CLN6: variants seen among roughly 807,000 people sequenced by gnomAD.
CLN6 encodes CLN6 transmembrane ER protein.
CLN6 carries 22 observed loss-of-function variants against 33.3 expected under a neutral mutation model. The ratio of observed to expected loss-of-function variants is 0.66; its 90% CI spans 0.47 to 0.94. The LOEUF (loss-of-function observed/expected upper bound fraction) is 0.94. Ranked by LOEUF, CLN6 falls within the 40% of genes least tolerant of loss-of-function variation. CLN6 has a pLI of 0.00. For synonymous variants in CLN6, 201 were observed against 174.6 expected, an observed-to-expected ratio of 1.15 and a Z score of -1.19; for missense variants, 387 against 417.1, an observed-to-expected ratio of 0.93 and a Z score of 0.63.
chr15:68,243,251 G>T (rs140470893), intron 1 of CLN6, among the ~76,000 whole-genome samples: 1 of 152,146 alleles, frequency 6.6e-6, no homozygotes, highest in Non-Finnish European at 1.5e-5. Flanking sequence ...AGATTTAAAA[G>T]GAATTATTTA....
In CLN6 at chr15:68,210,021, GTGGGGGTAAGGGGTGTC is replaced by G. The variant is rs2093200292; in HGVS notation, c.543-279_543-263del. 6.6e-6 allele frequency among the ~76,000 whole-genome samples: 1 copy of G among 152,182 alleles called. No individual in the cohort carries two copies. Among genetic ancestry groups the G allele is most frequent in the African/African-American group, 2.4e-5 (1 of 41,442 alleles). On this transcript the variant is annotated intron_variant, in intron 5 of 6. Transcript: ENST00000249806. The surrounding 1 kb of genome is among the most constrained non-coding windows in gnomAD (Gnocchi z 5.6). ...CCGCCCAGGGCACCTCACTCACTCCGTGGGGGTAAGGGGTGTCTGGGGGGTTGTCTGTCTCATGCACC... is the reference window on the plus strand; with the variant it reads ...CCGCCCAGGGCACCTCACTCACTCCGTGGGGGGTTGTCTGTCTCATGCACC...
At chr15:68,243,888 C>T (rs1313966767) in intron 1 of CLN6, among the ~76,000 whole-genome samples, 1 of 151,388 alleles carries the variant, frequency 6.6e-6, no homozygotes, top group Non-Finnish European at 1.5e-5. Context: ...ACAGTGAAAC[C>T]CCGTCTCTAC....
At chr15:68,243,065 G>A (rs1451005546) in intron 1 of CLN6, among the ~76,000 whole-genome samples, 1 of 152,322 alleles carries the variant, frequency 6.6e-6, no homozygotes, top group East Asian at 1.9e-4. Flanking sequence ...GTAAAAGACT[G>A]TAAGAAGTCA....
At position 68,256,837 on chromosome 15, in the gene CLN6, G is replaced by T; in HGVS notation, c.32C>A (p.Ala11Glu). 2 of 698,612 alleles carry T rather than the reference G, an allele frequency of 2.9e-6. No individual in the cohort carries two copies. Among genetic ancestry groups the T allele is most frequent in the South Asian group, 3.0e-5 (2 of 67,440 alleles). The allele number at this position is 698,612 out of a possible 1,614,324, so 43.3% of individuals were successfully genotyped here. Reference sequence around the variant, plus strand: ...TGTCTCTGGCCGGGGCCTGCCTCTCGCTCGCCGCTCCTTCCCGGCAACGGC... The same window carrying T: ...TGTCTCTGGCCGGGGCCTGCCTCTCTCTCGCCGCTCCTTCCCGGCAACGGC... The change falls in exon 1 of 7, where the codon GCG (alanine) becomes GAG (glutamate). Residue 11 changes from alanine (A) to glutamate (E), a missense_variant. Transcript: ENST00000538696. This position sits in a 1 kb window ranked among gnomAD's most constrained non-coding sequence, Gnocchi z 4.1.
rs1295312026 is a variant in CLN6 at position 68,209,369 on chromosome 15, G to A, written c.665+268C>T. 6.6e-6 allele frequency among the ~76,000 whole-genome samples: 1 copy of A among 152,164 alleles called. No individual in the cohort carries two copies. The highest frequency in any genetic ancestry group is 2.4e-5 in the African/African-American group (1 of 41,430). On this transcript the variant is annotated intron_variant, in intron 6 of 6. Transcript: ENST00000249806. This position sits in a 1 kb window ranked among gnomAD's most constrained non-coding sequence, Gnocchi z 4.9. ...ACTGGGGTTCTTGAGATGGGGCACAGAGCGAGAGGGGCTTGAGGATGGAGA... is the reference window on the plus strand; with the variant it reads ...ACTGGGGTTCTTGAGATGGGGCACAAAGCGAGAGGGGCTTGAGGATGGAGA...
At chr15:68,252,253 C>G (rs1330725619) in intron 1 of CLN6, among the ~76,000 whole-genome samples, 1 of 151,990 alleles carries the variant, frequency 6.6e-6, no homozygotes, top group Admixed American at 6.6e-5. Context: ...GGATTACAGG[C>G]GTGAGCCACC....
In CLN6 at chr15:68,229,310, CCAGA is replaced by C. The variant is rs66812362; in HGVS notation, c.83+188_83+191del. Among the ~76,000 whole-genome samples, 1,697 of 152,288 alleles carry C rather than the reference CCAGA, an allele frequency of 0.011. 31 individuals are homozygous for C. The highest frequency in any genetic ancestry group is 0.039 in the African/African-American group (1,620 of 41,556). On this transcript the variant is annotated intron_variant, in intron 1 of 6. Coordinates refer to ENST00000249806, the MANE Select transcript of CLN6 (RefSeq NM_017882.3). ...CGAGCCCCGCTGGGCCCCAGGCTCC[CCAGA>C]CAGAGAAGGAAACGCGGGGGCACCG...
chr15:68,218,380 A>G (rs2093226335), intron 2 of CLN6, 156 bp downstream of exon 2: 10 of 625,094 alleles, frequency 1.6e-5, no homozygotes, highest in Non-Finnish European at 2.3e-5. Context: ...TGACGGGCCA[A>G]GTCATAGAGC....
chr15:68,224,072 A>G (rs1567099928), intron 1 of CLN6, among the ~76,000 whole-genome samples: 1 of 151,472 alleles, frequency 6.6e-6, no homozygotes, highest in Non-Finnish European at 1.5e-5. Flanking sequence ...AACAACAACA[A>G]CAACAAAAAA....
chr15:68,237,159 G>T, intron 1 of CLN6, among the ~76,000 whole-genome samples: 1 of 53,082 alleles, frequency 1.9e-5, no homozygotes, highest in Admixed American at 2.8e-4. Context: ...GCGAGACTCC[G>T]TCTCAAAAAA....
Position 68,207,921 on chromosome 15 carries a change from G to C in CLN6, c.*219C>G. ...ATCCTGAGATGATCCAAATCAAACA[G>C]AAACTTGACGGAAATAGTAGAGTCT... On this transcript the variant is annotated 3_prime_UTR_variant, in exon 7 of 7. Coordinates refer to ENST00000249806, the MANE Select transcript of CLN6 (RefSeq NM_017882.3). 1.7e-6 allele frequency: 1 copy of C among 603,102 alleles called. No homozygotes were observed. The highest frequency in any genetic ancestry group is 2.8e-5 in the East Asian group (1 of 35,358). 37.4% of individuals were successfully genotyped at this position (603,102 alleles called of 1,614,324 possible).
chr15:68,238,403 A>G (rs1595829536), intron 1 of CLN6, among the ~76,000 whole-genome samples: 2 of 149,950 alleles, frequency 1.3e-5, no homozygotes, highest in African/African-American at 4.9e-5. Flanking sequence ...CTCTGTCTCA[A>G]AAAAAAAAAG....
chr15:68,214,172 A>AC (rs1567096512), intron 3 of CLN6, 118 bp downstream of exon 3: 4 of 800,610 alleles, frequency 5.0e-6, no homozygotes, highest in East Asian at 2.7e-5. Flanking sequence ...CACAGCCTTC[A>AC]CCCCCCAGCA....
At chr15:68,232,309 C>T (rs896514982), upstream of CLN6, among the ~76,000 whole-genome samples, 7 of 152,186 alleles carry the variant, frequency 4.6e-5, no homozygotes, top group Admixed American at 2.6e-4. This position sits in a 1 kb window ranked among gnomAD's most constrained non-coding sequence, Gnocchi z 4.7. Flanking sequence ...AGGCATGCAC[C>T]ACCACGCCTG....
chr15:68,227,497 A>G lies in CLN6; in HGVS notation c.83+2005T>C, dbSNP rs1420738485. On this transcript the variant is annotated intron_variant, in intron 1 of 6. Transcript: ENST00000249806. This position sits in a 1 kb window ranked among gnomAD's most constrained non-coding sequence, Gnocchi z 4.1. Reference sequence around the variant, plus strand: ...GATGATTCTGCCTACTCTCTTGAGCAGCAATGATACTGGGAATGGGCTGAA... The same window carrying G: ...GATGATTCTGCCTACTCTCTTGAGCGGCAATGATACTGGGAATGGGCTGAA... Among the ~76,000 whole-genome samples, 1 of 152,212 alleles carries G rather than the reference A, an allele frequency of 6.6e-6. No individual in the cohort carries two copies. Among genetic ancestry groups the G allele is most frequent in the Non-Finnish European group, 1.5e-5 (1 of 68,030 alleles).
In CLN6 at chr15:68,229,728, G is replaced by T. The variant is rs1268843849; in HGVS notation, c.-144C>A. 7.5e-6 allele frequency: 4 copies of T among 533,208 alleles called. No individual in the cohort carries two copies. The highest frequency in any genetic ancestry group is 2.0e-5 in the African/African-American group (1 of 49,518). 33.0% of individuals were successfully genotyped at this position (533,208 alleles called of 1,614,324 possible). ...GAGCGCGCGGCCCTCGGGAGGAACA[G>T]GCGGGGCTGCGGACCCGGGGCGGGG... On this transcript the variant is annotated 5_prime_UTR_variant, in exon 1 of 7. It adds an upstream start codon to the 5' untranslated region. Coordinates refer to ENST00000249806, the MANE Select transcript of CLN6 (RefSeq NM_017882.3).
intron 1 of CLN6, among the ~76,000 whole-genome samples, chr15:68,255,453 G>C (rs1892424025): frequency 1.3e-5 from 2 of 152,182 alleles, no homozygotes; most frequent in Non-Finnish European, 1.5e-5. Context: ...TTCACTTCCT[G>C]AAAGTCAGGG....
At chr15:68,222,887 T>C (rs1029944866) in intron 1 of CLN6, among the ~76,000 whole-genome samples, 3 of 152,018 alleles carry the variant, frequency 2.0e-5, no homozygotes, top group Non-Finnish European at 2.9e-5. Context: ...GGATTAAGGG[T>C]GGTGCAAGAT....
chr15:68,225,598 T>C (rs2093249330), intron 1 of CLN6, among the ~76,000 whole-genome samples: 1 of 152,222 alleles, frequency 6.6e-6, no homozygotes, highest in African/African-American at 2.4e-5. Context: ...TCCTCCCATC[T>C]CAGCCTCCTG....
Sources: allele counts gnomAD v4.1 joint callset (sites outside exome capture counted in the v4.1 genomes callset), GRCh38; gene constraint gnomAD v4.1.1; non-coding constraint Gnocchi (gnomAD v3.1); transcripts MANE v1.5; gene names NCBI Gene and HGNC (gene_info 2026-07-23, HGNC 2026-07-21).